The following PPP2R3B variants were observed in gnomAD, a reference collection of about 807,000 sequenced individuals.
The protein encoded by PPP2R3B is protein phosphatase 2 regulatory subunit B''beta.
PPP2R3B carries 68 observed loss-of-function variants against 72.9 expected under a neutral mutation model. That is an observed-to-expected ratio of 0.93 (90% CI 0.77 to 1.14). The LOEUF is 1.14. PPP2R3B is among the 50% of genes most tolerant of loss of function. The pLI, the probability that PPP2R3B is intolerant of heterozygous loss-of-function variation, is 0.00. For synonymous variants in PPP2R3B, 466 were observed against 375.8 expected (o/e 1.24, Z -2.78); for missense variants, 1,018 against 842.0 (o/e 1.21, Z -2.59).
intron 7 of PPP2R3B, chrX:342,235 G>A (rs1341376575): frequency 1.1e-5 from 6 of 555,204 alleles, no homozygotes; most frequent in South Asian, 4.2e-5. Flanking sequence ...CGGAGAGAGA[G>A]ACCTCGAGTG....
rs180797976 is a variant in PPP2R3B at position 386,060 on chromosome X, C to T, written c.324+308G>A. Among the ~76,000 whole-genome samples, 12 of 152,136 alleles carry T rather than the reference C, an allele frequency of 7.9e-5. 1 individual carries two copies. The highest frequency in any genetic ancestry group is 5.9e-4 in the Admixed American group (9 of 15,270). ...TCGCGCCATCGTACTCCAGCCTGGG[C>T]AACAGAGCAAAACTCTGTCTCAAAA... On this transcript the variant is annotated intron_variant, in intron 1 of 12. Transcript: ENST00000390665.
intron 1 of PPP2R3B, among the ~76,000 whole-genome samples, chrX:367,204 AAT>A (rs1228193886): frequency 6.6e-6 from 1 of 152,166 alleles, no homozygotes; most frequent in African/African-American, 2.4e-5. Flanking sequence ...GGTCAGCGGT[AAT>A]GAGTGGGAAA....
At chrX:364,267 G>A (rs2071634682) in intron 1 of PPP2R3B, among the ~76,000 whole-genome samples, 1 of 152,298 alleles carries the variant, frequency 6.6e-6, no homozygotes, top group East Asian at 1.9e-4. Flanking sequence ...GCCTTCACCT[G>A]GAGCTGCTGG....
intron 1 of PPP2R3B, among the ~76,000 whole-genome samples, chrX:363,567 T>TCCCACAGTGCATATCCAC (rs2071602875): frequency 4.2e-4 from 1 of 2,400 alleles, no homozygotes; most frequent in Non-Finnish European, 8.2e-4. Context: ...TGCATCTCCA[T>TCCCACAGTGCATATCCAC]GAGTCCACGA....
chrX:358,753 CAT>C (rs1405579051), intron 2 of PPP2R3B, among the ~76,000 whole-genome samples: 1 of 150,650 alleles, frequency 6.6e-6, no homozygotes, highest in Non-Finnish European at 1.5e-5. Context: ...GAAACGCGCA[CAT>C]GAGAACCAGG....
intron 2 of PPP2R3B, chrX:359,805 CAATA>C (rs1445116982): frequency 5.9e-6 from 3 of 506,704 alleles, no homozygotes; most frequent in Non-Finnish European, 1.2e-5. Context: ...GCTAAAATAA[CAATA>C]AGAGGATAAA....
At chrX:350,357 C>T (rs1209055755) in intron 2 of PPP2R3B, among the ~76,000 whole-genome samples, 2 of 152,192 alleles carry the variant, frequency 1.3e-5, no homozygotes, top group African/African-American at 2.4e-5. Context: ...GCCACACGTG[C>T]GCTCCCTGAA....
chrX:340,334 T>G (rs2071025709), intron 10 of PPP2R3B, among the ~76,000 whole-genome samples: 1 of 150,870 alleles, frequency 6.6e-6, no homozygotes, highest in Admixed American at 6.6e-5. Flanking sequence ...TCGGGGGGTG[T>G]CGACGCCCCG....
At chrX:361,978 G>A (rs1485547173) in intron 1 of PPP2R3B, among the ~76,000 whole-genome samples, 1 of 152,174 alleles carries the variant, frequency 6.6e-6, no homozygotes, top group Non-Finnish European at 1.5e-5. Context: ...GGGGAAAAGG[G>A]CAGCCACGCA....
At chrX:352,582 C>G (rs1196593993) in intron 2 of PPP2R3B, among the ~76,000 whole-genome samples, 1 of 88,442 alleles carries the variant, frequency 1.1e-5, no homozygotes, top group Non-Finnish European at 2.3e-5. Context: ...ACTGCTGAAC[C>G]CTATTCCATT....
At chrX:367,553 G>A (rs1188769861) in intron 1 of PPP2R3B, among the ~76,000 whole-genome samples, 7 of 152,080 alleles carry the variant, frequency 4.6e-5, no homozygotes, top group Admixed American at 1.3e-4. Context: ...GTGAGGCCCC[G>A]TGCCCGGCCA....
rs761074452 is a variant in PPP2R3B, at chrX:361,971, G to A, written c.325-381C>T. 1.2e-3 allele frequency among the ~76,000 whole-genome samples: 184 copies of A among 152,310 alleles called. 1 individual carries two copies. The highest frequency in any genetic ancestry group is 4.2e-3 in the African/African-American group (175 of 41,578). ...CCACCACACCTGGCAGGGACCTGGG[G>A]AAAAGGGCAGCCACGCACCCCAGAC... is the stretch of plus-strand genomic sequence containing the variant. On this transcript the variant is annotated intron_variant, in intron 1 of 12. Coordinates refer to ENST00000390665, the MANE Select transcript of PPP2R3B (RefSeq NM_013239.5).
intron 1 of PPP2R3B, among the ~76,000 whole-genome samples, chrX:378,716 C>T: frequency 6.6e-6 from 1 of 152,138 alleles, no homozygotes; most frequent in South Asian, 2.1e-4. Context: ...TACACAGTTT[C>T]CATGGTTGCA....
At chrX:345,710 T>G (rs375476879) in intron 6 of PPP2R3B, 38 bp from the exon 7 acceptor site, 9 of 1,369,762 alleles carry the variant, frequency 6.6e-6, no homozygotes, top group Non-Finnish European at 8.7e-6. Context: ...GCGGGGCCTC[T>G]GCGGGGATGC....
chrX:340,989 C>G (rs186932276), intron 9 of PPP2R3B, 49 bp from the exon 10 acceptor site: 2 of 1,593,532 alleles, frequency 1.3e-6, no homozygotes, highest in African/African-American at 1.3e-5. Context: ...CCTCCCAGCC[C>G]GTGACCTGCA....
In PPP2R3B at chrX:338,909, G is replaced by A. The variant is rs2070972871; in HGVS notation, c.1352-13C>T. On this transcript the variant is annotated splice_polypyrimidine_tract_variant and intron_variant, in intron 10 of 12. Transcript: ENST00000390665. ...AGCGTGATCTTCCCTGCGGGGAGGG[G>A]AGTGCGTCCAAGGCGCGTGAGCCCG... 6 of 1,609,128 alleles carry A rather than the reference G, an allele frequency of 3.7e-6. No homozygotes were observed. The highest frequency in any genetic ancestry group is 1.7e-5 in the Admixed American group (1 of 60,018).
intron 6 of PPP2R3B, 131 bp downstream of exon 6, chrX:346,043 G>A: frequency 1.1e-5 from 3 of 274,664 alleles, no homozygotes; most frequent in Middle Eastern, 1.0e-3. Context: ...CGCGGTGGAG[G>A]TGGGGGTGGG....
intron 5 of PPP2R3B, 35 bp downstream of exon 5, chrX:346,666 C>T (rs776013016): frequency 3.8e-6 from 6 of 1,582,832 alleles, no homozygotes; most frequent in Admixed American, 3.4e-5. Context: ...CCGCGCCCCG[C>T]GCTGGAACCG....
At chrX:348,060 G>A (rs1318767605) in intron 2 of PPP2R3B, among the ~76,000 whole-genome samples, 2 of 152,132 alleles carry the variant, frequency 1.3e-5, no homozygotes, top group African/African-American at 2.4e-5. Flanking sequence ...ATCGGACGGC[G>A]ACAGAAACAT....
Sources: gnomAD v4.1 joint callset for allele counts (sites outside exome capture counted in the v4.1 genomes callset) on GRCh38, gnomAD v4.1.1 for gene constraint, MANE v1.5 for transcripts, NCBI Gene and HGNC (gene_info 2026-07-23, HGNC 2026-07-21) for gene names.